OR2T35: variants seen among roughly 807,000 people sequenced by gnomAD.
OR2T35 encodes olfactory receptor family 2 subfamily T member 35 (gene/pseudogene).
For missense variants in OR2T35, 47 were observed against 278.8 expected (o/e 0.17, Z 5.92); for synonymous variants, 18 against 110.2 (o/e 0.16, Z 5.24).
intron 1 of OR2T35, among the ~76,000 whole-genome samples, chr1:248,644,589 G>T (rs1293104324): frequency 6.9e-6 from 1 of 144,016 alleles, no homozygotes; most frequent in South Asian, 2.1e-4. Context: ...GGTGGAGTGC[G>T]GCTGGAAAGT....
intron 1 of OR2T35, among the ~76,000 whole-genome samples, chr1:248,644,194 A>G (rs1453721816): frequency 8.4e-6 from 1 of 119,184 alleles, no homozygotes; most frequent in Non-Finnish European, 1.8e-5. Context: ...CAGGTTAACT[A>G]AAACTATGGA....
rs1230120095 is a variant in OR2T35, at chr1:248,642,190, G to T, written c.-22-2910C>A. ...ATCATTCTCCACTCTAAGACACTTAGGTTCCCCTTCATCAACTAGTCTTTC... is the reference window on the plus strand; with the variant it reads ...ATCATTCTCCACTCTAAGACACTTATGTTCCCCTTCATCAACTAGTCTTTC... On this transcript the variant is annotated intron_variant, in intron 1 of 1. Coordinates refer to ENST00000641268, the MANE Select transcript of OR2T35 (RefSeq NM_001001827.2). Among the ~76,000 whole-genome samples, 13 of 70,678 alleles carry T rather than the reference G, an allele frequency of 1.8e-4. 3 individuals carry two copies. The Admixed American group carries it at 1.9e-3, about 10-fold the overall frequency. 46.4% of individuals were successfully genotyped at this position (70,678 alleles called of 152,430 possible).
At chr1:248,644,944 C>T (rs1255017973) in intron 1 of OR2T35, among the ~76,000 whole-genome samples, 2 of 106,384 alleles carry the variant, frequency 1.9e-5, no homozygotes, top group Non-Finnish European at 4.2e-5. Context: ...TTTCCCTTAC[C>T]TTATCTCCAG....
chr1:248,641,690 A>C lies in OR2T35; in HGVS notation c.-22-2410T>G, dbSNP rs1404083591. Among the ~76,000 whole-genome samples, 2 of 51,190 alleles carry C rather than the reference A, an allele frequency of 3.9e-5. 1 individual carries two copies. The highest frequency in any genetic ancestry group is 1.2e-4 in the Non-Finnish European group (2 of 16,886). 33.6% of individuals were successfully genotyped at this position (51,190 alleles called of 152,430 possible). On this transcript the variant is annotated intron_variant, in intron 1 of 1. Coordinates refer to ENST00000641268, the MANE Select transcript of OR2T35 (RefSeq NM_001001827.2). ...GCCACCTCATTTTTATACAACCGAG[A>C]CCGTGTTAAAAAAAAAAAAAAAAAG...
In OR2T35 at chr1:248,641,621, AGAG is replaced by A. The variant is rs939356795; in HGVS notation, c.-22-2344_-22-2342del. Reference sequence around the variant, plus strand: ...TCTTATCTTACTGTAGGATCCCAGAAGAGGAGAGTAAAAAAGCTGAAACAGGAG... The same window carrying A: ...TCTTATCTTACTGTAGGATCCCAGAAGAGAGTAAAAAAGCTGAAACAGGAG... On this transcript the variant is annotated intron_variant, in intron 1 of 1. Coordinates refer to ENST00000641268, the MANE Select transcript of OR2T35 (RefSeq NM_001001827.2). Among the ~76,000 whole-genome samples, 14 of 82,334 alleles carry A rather than the reference AGAG, an allele frequency of 1.7e-4. 1 individual carries two copies. The highest frequency in any genetic ancestry group is 6.6e-4 in the East Asian group (2 of 3,050). 54.0% of individuals were successfully genotyped at this position (82,334 alleles called of 152,430 possible).
rs1330068970 is a variant in OR2T35 at position 248,638,262 on chromosome 1, C to G, written c.*25G>C. On this transcript the variant is annotated 3_prime_UTR_variant, in exon 2 of 2. Transcript: ENST00000641268. ...GCTAATCCTTCCCGATCACAGTCAC[C>G]ACTCTGATACTCTGGGAGTCCCTGC... The G allele has an allele frequency of 1.3e-5, 14 of 1,076,192 alleles. No homozygotes were observed. The East Asian group carries it at 3.6e-4, about 28-fold the overall frequency. 66.7% of individuals were successfully genotyped at this position (1,076,192 alleles called of 1,614,324 possible).
intron 1 of OR2T35, among the ~76,000 whole-genome samples, chr1:248,644,595 A>G (rs1227697059): frequency 1.4e-5 from 2 of 144,350 alleles, no homozygotes; most frequent in African/African-American, 5.2e-5. Flanking sequence ...GTGCGGCTGG[A>G]AAGTGAAGGC....
Position 248,645,087 on chromosome 1 carries a change from A to G in OR2T35, c.-23+160T>C, listed in dbSNP as rs868140716. The stretch of plus-strand genomic sequence containing the variant: ...ACAATTTGGAAATTTTCAGTGTGGA[A>G]AGTTAGGCATAAGATAGAAGAGGTT... On this transcript the variant is annotated intron_variant, in intron 1 of 1. Transcript: ENST00000641268. Among the ~76,000 whole-genome samples the G allele has an allele frequency of 7.2e-5, 9 of 125,010 alleles. 1 individual carries two copies. Among genetic ancestry groups the G allele is most frequent in the African/African-American group, 1.1e-4 (4 of 35,510 alleles). The allele number at this position is 125,010 out of a possible 152,430, so 82.0% of individuals were successfully genotyped here.
At chr1:248,639,303 G>C (rs1160037018) in intron 1 of OR2T35, 23 bp from the exon 2 acceptor site, 1 of 366,618 alleles carries the variant, frequency 2.7e-6, no homozygotes, top group Non-Finnish European at 5.2e-6. Context: ...AAATCTGGCA[G>C]CTTATTTAAC....
chr1:248,641,748 G>A (rs1201028147), intron 1 of OR2T35, among the ~76,000 whole-genome samples: 2 of 82,432 alleles, frequency 2.4e-5, no homozygotes, highest in African/African-American at 5.8e-5. Context: ...GTGCGTACAT[G>A]TGTGTGTAGT....
Position 248,638,241 on chromosome 1 carries a change from A to C in OR2T35, c.*46T>G, listed in dbSNP as rs372631772. The C allele has an allele frequency of 2.6e-6, 1 of 390,784 alleles. No individual in the cohort carries two copies. The highest frequency in any genetic ancestry group is 4.4e-6 in the Non-Finnish European group (1 of 229,318). 24.2% of individuals were successfully genotyped at this position (390,784 alleles called of 1,614,324 possible). On this transcript the variant is annotated 3_prime_UTR_variant, in exon 2 of 2. Coordinates refer to ENST00000641268, the MANE Select transcript of OR2T35 (RefSeq NM_001001827.2). ...CCTGATGCTCTGGGAGTCCCCGCTA[A>C]TCCTTCCCGATCACAGTCACCACTC...
At chr1:248,644,003 G>A (rs1278053859) in intron 1 of OR2T35, among the ~76,000 whole-genome samples, 3 of 22,088 alleles carry the variant, frequency 1.4e-4, no homozygotes, top group African/African-American at 2.6e-4. Flanking sequence ...CACTGAGTCC[G>A]CCACAGTCGA....
At chr1:248,644,902 G>A (rs1284215919) in intron 1 of OR2T35, among the ~76,000 whole-genome samples, 2 of 131,864 alleles carry the variant, frequency 1.5e-5, no homozygotes, top group African/African-American at 5.7e-5. Context: ...TCTCTCCACA[G>A]CAACGTAGTA....
rs1191272713 is a variant in OR2T35, at chr1:248,645,271, A to AC, written c.-48dup. The AC allele has an allele frequency of 1.6e-5, 2 of 124,606 alleles. No homozygotes were observed. The highest frequency in any genetic ancestry group is 3.6e-5 in the Non-Finnish European group (2 of 56,316). The allele number at this position is 124,606 out of a possible 1,614,324, so 7.7% of individuals were successfully genotyped here. A position where few individuals can be genotyped will look rare whatever the true frequency, so the allele number is the denominator to read the frequency against. On this transcript the variant is annotated 5_prime_UTR_variant, in exon 1 of 2. Transcript: ENST00000641268. The stretch of plus-strand genomic sequence containing the variant: ...CCTAAACTACATTGTCAAGGATATC[A>AC]CCAATGGACTAGAAAGAAAGAAGTA...
At chr1:248,644,177 C>T (rs535941316) in intron 1 of OR2T35, among the ~76,000 whole-genome samples, 1,337 of 119,208 alleles carry the variant, frequency 0.011, 3 homozygotes, top group African/African-American at 0.039. Context: ...AGCAACCTGG[C>T]GGATTGCAGG....
In OR2T35 at chr1:248,644,955, T is replaced by A. The variant is rs1176652097; in HGVS notation, c.-23+292A>T. ...CTCTTTTCCCTTACCTTATCTCCAGTTCTAATTACATACTGCCTTAGTTAC... is the reference window on the plus strand; with the variant it reads ...CTCTTTTCCCTTACCTTATCTCCAGATCTAATTACATACTGCCTTAGTTAC... On this transcript the variant is annotated intron_variant, in intron 1 of 1. Transcript: ENST00000641268. Among the ~76,000 whole-genome samples, 102 of 90,588 alleles carry A rather than the reference T, an allele frequency of 1.1e-3. 1 individual carries two copies. Among genetic ancestry groups the A allele is most frequent in the African/African-American group, 3.4e-3 (98 of 28,654 alleles). 59.4% of individuals were successfully genotyped at this position (90,588 alleles called of 152,430 possible).
intron 1 of OR2T35, among the ~76,000 whole-genome samples, chr1:248,644,624 C>T (rs528345154): frequency 6.9e-6 from 1 of 144,306 alleles, no homozygotes; most frequent in South Asian, 2.1e-4. Flanking sequence ...CAGAACTCAG[C>T]GTCGAGAAAT....
In OR2T35 at chr1:248,636,885, A is replaced by AG. The variant is rs1660714113; in HGVS notation, c.*1401dup. 7.8e-5 allele frequency: 1 copy of AG among 12,790 alleles called. No homozygotes were observed. Among genetic ancestry groups the AG allele is most frequent in the African/African-American group, 9.1e-5 (1 of 10,952 alleles). The allele number at this position is 12,790 out of a possible 1,614,324, so 0.8% of individuals were successfully genotyped here. A position where few individuals can be genotyped will look rare whatever the true frequency, so the allele number is the denominator to read the frequency against. ...CGTATCAACAAAGAAAATAAACACC[A>AG]GGTCCGTCAATATTTTTTATGTCTC... On this transcript the variant is annotated 3_prime_UTR_variant, in exon 2 of 2. Coordinates refer to ENST00000641268, the MANE Select transcript of OR2T35 (RefSeq NM_001001827.2).
At position 248,638,439 on chromosome 1, in the gene OR2T35, C is replaced by CCA. The variant is rs773231930; in HGVS notation, c.818_819dup (p.Val274TrpfsTer20). The CCA allele has an allele frequency of 1.6e-6, 2 of 1,269,372 alleles. No homozygotes were observed. The highest frequency in any genetic ancestry group is 3.6e-5 in the Admixed American group (2 of 54,828). 78.6% of individuals were successfully genotyped at this position (1,269,372 alleles called of 1,614,324 possible). On this transcript the variant is annotated frameshift_variant, in exon 2 of 2. Transcript: ENST00000641268. LOFTEE classifies it low-confidence loss of function (END_TRUNC). ...GTGAGGATGGTGTAGAAGGCAGACA[C>CCA]CACTTTATCTTTCTCTGGAGTGTGG...
Sources: allele counts gnomAD v4.1 joint callset (sites outside exome capture counted in the v4.1 genomes callset), GRCh38; gene constraint gnomAD v4.1.1; transcripts MANE v1.5; gene names NCBI Gene and HGNC (gene_info 2026-07-23, HGNC 2026-07-21).